The following CDYL2 variants were observed in gnomAD, a reference collection of about 807,000 sequenced individuals.
CDYL2 encodes the protein chromodomain Y like 2.
In CDYL2, 23 loss-of-function variants were observed where a neutral mutation model predicts 49.4. The ratio of observed to expected loss-of-function variants is 0.47; its 90% CI spans 0.34 to 0.66. The LOEUF (loss-of-function observed/expected upper bound fraction) is 0.66, where lower values mean the gene tolerates loss of function less well. Ranked by LOEUF, CDYL2 falls within the 30% of genes least tolerant of loss-of-function variation. CDYL2 has a pLI of 0.01. For synonymous variants in CDYL2, 360 were observed against 268.8 expected (o/e 1.34, Z -3.32); for missense variants, 678 against 656.4 (o/e 1.03, Z -0.36).
chr16:80,800,834 C>T (rs1907903901), intron 1 of CDYL2, among the ~76,000 whole-genome samples: 2 of 152,158 alleles, frequency 1.3e-5, no homozygotes, highest in African/African-American at 2.4e-5. Context: ...AACTGAGAGC[C>T]TATCCCACTG....
intron 1 of CDYL2, among the ~76,000 whole-genome samples, chr16:80,786,959 A>G (rs550926370): frequency 1.3e-5 from 2 of 152,194 alleles, no homozygotes; most frequent in South Asian, 4.2e-4. Flanking sequence ...TAGGAAAAAT[A>G]CCTAATGTAG....
At chr16:80,771,646 C>A (rs756383915) in intron 1 of CDYL2, among the ~76,000 whole-genome samples, 19 of 152,004 alleles carry the variant, frequency 1.2e-4, no homozygotes, top group Non-Finnish European at 2.4e-4. Flanking sequence ...TCGCTTGAAT[C>A]CGGGAGGCAG....
chr16:80,741,830 T>G (rs1257240894), intron 1 of CDYL2, among the ~76,000 whole-genome samples: 2 of 152,250 alleles, frequency 1.3e-5, no homozygotes, highest in African/African-American at 2.4e-5. Flanking sequence ...GGGGAGCTGT[T>G]AATGTTGGAC....
intron 1 of CDYL2, among the ~76,000 whole-genome samples, chr16:80,733,211 G>C (rs574194178): frequency 6.6e-6 from 1 of 152,172 alleles, no homozygotes; most frequent in Non-Finnish European, 1.5e-5. Context: ...CACAAAATCA[G>C]TGGTCAAAAA....
intron 2 of CDYL2, among the ~76,000 whole-genome samples, chr16:80,659,817 G>T (rs1401400546): frequency 6.6e-6 from 1 of 151,916 alleles, no homozygotes; most frequent in Non-Finnish European, 1.5e-5. Flanking sequence ...TCTAAGAAAA[G>T]AATAGCTGAA....
chr16:80,664,890 A>G (rs990228858), intron 2 of CDYL2, among the ~76,000 whole-genome samples: 3 of 152,190 alleles, frequency 2.0e-5, no homozygotes, highest in African/African-American at 7.2e-5. Context: ...AGTGCTAGCA[A>G]GAGGGTTTGG....
chr16:80,727,993 G>C (rs1905219502), intron 1 of CDYL2, among the ~76,000 whole-genome samples: 1 of 152,140 alleles, frequency 6.6e-6, no homozygotes, highest in Admixed American at 6.5e-5. Flanking sequence ...AACCACAAAG[G>C]TGGGAAAAAA....
intron 1 of CDYL2, among the ~76,000 whole-genome samples, chr16:80,793,317 T>C (rs1469232736): frequency 1.3e-5 from 2 of 152,208 alleles, no homozygotes; most frequent in Non-Finnish European, 2.9e-5. Flanking sequence ...AATCCAGTCC[T>C]AACCTGTGAT....
chr16:80,725,550 T>C (rs1196762479), intron 1 of CDYL2, among the ~76,000 whole-genome samples: 3 of 152,230 alleles, frequency 2.0e-5, no homozygotes, highest in Admixed American at 6.5e-5. Context: ...AATCTCATCC[T>C]ACAGTCTACG....
chr16:80,802,761 T>C (rs1444501119), intron 1 of CDYL2, among the ~76,000 whole-genome samples: 3 of 152,170 alleles, frequency 2.0e-5, no homozygotes, highest in Non-Finnish European at 4.4e-5. Context: ...ATTCTTCTTC[T>C]CTAACGCCAG....
At chr16:80,617,154 T>C (rs1278948699) in intron 4 of CDYL2, among the ~76,000 whole-genome samples, 1 of 152,218 alleles carries the variant, frequency 6.6e-6, no homozygotes. Flanking sequence ...ATCTGCTAGT[T>C]CATTCATCAA....
At chr16:80,615,337 G>A (rs1374817064) in intron 4 of CDYL2, among the ~76,000 whole-genome samples, 1 of 152,096 alleles carries the variant, frequency 6.6e-6, no homozygotes, top group African/African-American at 2.4e-5. Context: ...AATCCTTAGG[G>A]GTTTGGATGA....
At chr16:80,726,487 T>C (rs564400160) in intron 1 of CDYL2, among the ~76,000 whole-genome samples, 1 of 152,336 alleles carries the variant, frequency 6.6e-6, no homozygotes, top group East Asian at 1.9e-4. Context: ...TTTAAACAAT[T>C]AAAAATTTAA....
chr16:80,642,521 G>C (rs1220847103), intron 2 of CDYL2, among the ~76,000 whole-genome samples: 2 of 152,116 alleles, frequency 1.3e-5, no homozygotes, highest in Non-Finnish European at 2.9e-5. Context: ...AAAATGATGA[G>C]ATATAAGATA....
chr16:80,758,033 T>C (rs1906374022), intron 1 of CDYL2, among the ~76,000 whole-genome samples: 1 of 151,998 alleles, frequency 6.6e-6, no homozygotes, highest in Non-Finnish European at 1.5e-5. Flanking sequence ...AATAAGGCAT[T>C]CCAATACAGA....
Position 80,598,998 on chromosome 16 carries a change from G to A in CDYL2, c.*5390C>T, listed in dbSNP as rs1208508617. The stretch of plus-strand genomic sequence containing the variant: ...TTCAAGCTGGGACTAATGGCACAGG[G>A]ACAAATTAAATACTAGATGGGAAAC... On this transcript the variant is annotated 3_prime_UTR_variant, in exon 7 of 7. Transcript: ENST00000570137. The A allele has an allele frequency of 3.3e-5, 5 of 151,976 alleles. No homozygotes were observed. Among genetic ancestry groups the A allele is most frequent in the Non-Finnish European group, 7.4e-5 (5 of 68,008 alleles). 9.4% of individuals were successfully genotyped at this position (151,976 alleles called of 1,614,324 possible).
chr16:80,662,883 G>C, intron 2 of CDYL2: 4 of 420,010 alleles, frequency 9.5e-6, no homozygotes, highest in South Asian at 6.9e-5. Context: ...GATTCTTAAA[G>C]GCAAGGGCTG....
At chr16:80,734,220 T>C (rs1216163859) in intron 1 of CDYL2, among the ~76,000 whole-genome samples, 2 of 152,212 alleles carry the variant, frequency 1.3e-5, no homozygotes, top group African/African-American at 2.4e-5. Flanking sequence ...TTGGCCAATA[T>C]ATAAATCTTG....
intron 6 of CDYL2, among the ~76,000 whole-genome samples, chr16:80,607,738 A>G (rs1388028454): frequency 2.0e-5 from 3 of 152,216 alleles, no homozygotes; most frequent in Non-Finnish European, 2.9e-5. Context: ...GATGGGTTCA[A>G]TACTTTTTAT....
Sources: allele counts gnomAD v4.1 joint callset (sites outside exome capture counted in the v4.1 genomes callset), GRCh38; gene constraint gnomAD v4.1.1; transcripts MANE v1.5; gene names NCBI Gene and HGNC (gene_info 2026-07-23, HGNC 2026-07-21).